TSPAN15: variants seen among roughly 807,000 people sequenced by gnomAD.
TSPAN15 encodes the protein tetraspanin 15.
A neutral mutation model predicts 34.5 loss-of-function variants in TSPAN15; 20 were observed. The observed-to-expected ratio is 0.58, with a 90% CI of 0.41 to 0.84. The LOEUF (loss-of-function observed/expected upper bound fraction) is 0.84, where lower values mean the gene tolerates loss of function less well. Among genes scored for constraint, TSPAN15 ranks in the 40% least tolerant of loss-of-function variants. The pLI, the probability that TSPAN15 is intolerant of heterozygous loss-of-function variation, is 0.00. For synonymous variants in TSPAN15, 155 were observed against 153.9 expected (o/e 1.01, Z -0.05); for missense variants, 313 against 386.1 (o/e 0.81, Z 1.59).
chr10:69,512,675 G>A, the TSPAN15 span, among the ~76,000 whole-genome samples: 1 of 152,150 alleles, frequency 6.6e-6, no homozygotes, highest in Admixed American at 6.5e-5. Context: ...TGTTATATAG[G>A]TGGACTCATA....
At chr10:69,537,745 G>T in the TSPAN15 span, among the ~76,000 whole-genome samples, 1 of 152,194 alleles carries the variant, frequency 6.6e-6, no homozygotes, top group African/African-American at 2.4e-5. Context: ...GAATTTCTGG[G>T]AAGAACGTGA....
chr10:69,480,491 C>T (rs1049874046), intron 1 of TSPAN15, among the ~76,000 whole-genome samples: 5 of 152,198 alleles, frequency 3.3e-5, no homozygotes, highest in South Asian at 2.1e-4. Context: ...TGCTACCTTC[C>T]AGTACCCGAG....
chr10:69,484,096 T>G, intron 2 of TSPAN15: 1 of 459,230 alleles, frequency 2.2e-6, no homozygotes, highest in Non-Finnish European at 3.8e-6. Context: ...TTACTTAAAC[T>G]CTGTGTTCAT....
intron 1 of TSPAN15, among the ~76,000 whole-genome samples, chr10:69,479,040 A>T (rs1841675124): frequency 6.6e-6 from 1 of 152,200 alleles, no homozygotes. Flanking sequence ...GAGCTCCCTA[A>T]ATTCCATCCA....
chr10:69,528,909 G>A, the TSPAN15 span, among the ~76,000 whole-genome samples: 1 of 147,952 alleles, frequency 6.8e-6, no homozygotes, highest in South Asian at 2.1e-4. Flanking sequence ...AGCCATAGGC[G>A]GGCCTGGAAA....
At chr10:69,508,459 A>G (rs1842380741), downstream of TSPAN15, among the ~76,000 whole-genome samples, 3 of 117,268 alleles carry the variant, frequency 2.6e-5, no homozygotes, top group African/African-American at 3.3e-5. Context: ...AAAAAAAAAA[A>G]AAAAAAAAAA....
rs975810116 is a variant in TSPAN15 at position 69,506,061 on chromosome 10, C to T, written c.619-63C>T. Reference sequence around the variant, plus strand: ...CTGGACCTTGTGTACATGGCAGAGTCGGGGCTGTGGCTCCTGCCAGCCGAG... The same window carrying T: ...CTGGACCTTGTGTACATGGCAGAGTTGGGGCTGTGGCTCCTGCCAGCCGAG... On this transcript the variant is annotated intron_variant, in intron 6 of 7. Transcript: ENST00000373290. The surrounding 1 kb of genome is among the most constrained non-coding windows in gnomAD (Gnocchi z 4.7). 8 of 1,416,220 alleles carry T rather than the reference C, an allele frequency of 5.6e-6. No homozygotes were observed. The highest frequency in any genetic ancestry group is 4.6e-5 in the East Asian group (2 of 43,744). The allele number at this position is 1,416,220 out of a possible 1,614,324, so 87.7% of individuals were successfully genotyped here. A position where few individuals can be genotyped will look rare whatever the true frequency, so the allele number is the denominator to read the frequency against.
chr10:69,548,656 C>T, the TSPAN15 span, among the ~76,000 whole-genome samples: 213 of 152,086 alleles, frequency 1.4e-3, 1 homozygote, highest in African/African-American at 5.0e-3. Context: ...GTTGAGGCAG[C>T]TAGGGTTTGC....
intron 1 of TSPAN15, among the ~76,000 whole-genome samples, chr10:69,461,030 G>A (rs1841241737): frequency 6.6e-6 from 1 of 152,178 alleles, no homozygotes; most frequent in Non-Finnish European, 1.5e-5. Flanking sequence ...CAGGGGTGAG[G>A]CTTAGATGAG....
intron 1 of TSPAN15, among the ~76,000 whole-genome samples, chr10:69,452,847 A>C (rs1466715943): frequency 6.6e-6 from 1 of 151,270 alleles, no homozygotes; most frequent in Admixed American, 6.6e-5. Flanking sequence ...AAATACACAC[A>C]CTCTCCCCTG....
At chr10:69,516,958 A>G in the TSPAN15 span, among the ~76,000 whole-genome samples, 2 of 152,166 alleles carry the variant, frequency 1.3e-5, no homozygotes, top group East Asian at 3.9e-4. Context: ...CCCAGGACTC[A>G]GTGGGCTCAC....
intron 1 of TSPAN15, among the ~76,000 whole-genome samples, chr10:69,468,322 G>A (rs959773758): frequency 7.9e-5 from 12 of 152,116 alleles, no homozygotes; most frequent in African/African-American, 2.7e-4. Flanking sequence ...TGGTGTGGCC[G>A]GGTCATGGCT....
chr10:69,509,558 C>T (rs867370677), downstream of TSPAN15, among the ~76,000 whole-genome samples: 2 of 151,820 alleles, frequency 1.3e-5, no homozygotes, highest in South Asian at 4.2e-4. Flanking sequence ...ATGGTAGTTT[C>T]TTTTGCTGTG....
At chr10:69,539,470 G>T in the TSPAN15 span, among the ~76,000 whole-genome samples, 193 of 59,116 alleles carry the variant, frequency 3.3e-3, 4 homozygotes, top group Non-Finnish European at 4.1e-3. Context: ...GAAGGAGAAG[G>T]AGAAGGAGAA....
the TSPAN15 span, among the ~76,000 whole-genome samples, chr10:69,543,440 C>T: frequency 5.9e-5 from 9 of 152,324 alleles, no homozygotes; most frequent in Admixed American, 6.5e-5. Context: ...AAATCAAATT[C>T]GTCCACTGTC....
chr10:69,455,626 C>CCG lies in TSPAN15; in HGVS notation c.96+3937_96+3938insGC, dbSNP rs1554830575. 3.2e-3 allele frequency among the ~76,000 whole-genome samples: 144 copies of CCG among 45,144 alleles called. 5 individuals are homozygous for CCG. Among genetic ancestry groups the CCG allele is most frequent in the African/African-American group, 1.0e-2 (123 of 12,330 alleles). 29.6% of individuals were successfully genotyped at this position (45,144 alleles called of 152,430 possible). A position where few individuals can be genotyped will look rare whatever the true frequency, so the allele number is the denominator to read the frequency against. Reference sequence around the variant, plus strand: ...TTTCTTTCTCTCTCTCTCTCTCTCTCCCCCCCCCGTCTCTTTCTTTCTTCC... The same window carrying CCG: ...TTTCTTTCTCTCTCTCTCTCTCTCTCCGCCCCCCCCGTCTCTTTCTTTCTTCC... On this transcript the variant is annotated intron_variant, in intron 1 of 7. Transcript: ENST00000373290.
rs531256315 is a variant in TSPAN15, at chr10:69,501,158, G to A, written c.570+2762G>A. On this transcript the variant is annotated intron_variant, in intron 5 of 7. Transcript: ENST00000373290. ...CAGGCTGGGTGACCAGGAGCTCACCGTGGACGTGGGGGGTTTGAGAGCCTG... is the reference window on the plus strand; with the variant it reads ...CAGGCTGGGTGACCAGGAGCTCACCATGGACGTGGGGGGTTTGAGAGCCTG... Among the ~76,000 whole-genome samples, 4 of 152,358 alleles carry A rather than the reference G, an allele frequency of 2.6e-5. No homozygotes were observed. In the South Asian group the frequency reaches 6.2e-4, roughly 24 times the overall value.
the TSPAN15 span, among the ~76,000 whole-genome samples, chr10:69,534,586 G>A: frequency 6.6e-6 from 1 of 152,102 alleles, no homozygotes; most frequent in African/African-American, 2.4e-5. Context: ...AAGCAAATGA[G>A]TGTTTATGAG....
intron 3 of TSPAN15, among the ~76,000 whole-genome samples, chr10:69,491,903 C>T (rs1307776625): frequency 1.3e-5 from 2 of 152,198 alleles, no homozygotes; most frequent in African/African-American, 2.4e-5. Context: ...GGAGCTGCCG[C>T]CACATGCCTC....
Sources: gnomAD v4.1 joint callset for allele counts (sites outside exome capture counted in the v4.1 genomes callset) on GRCh38, gnomAD v4.1.1 for gene constraint, Gnocchi (gnomAD v3.1) non-coding constraint, MANE v1.5 for transcripts, NCBI Gene and HGNC (gene_info 2026-07-23, HGNC 2026-07-21) for gene names.